The following CSDE1 variants were observed in gnomAD, a reference collection of about 807,000 sequenced individuals.
The protein encoded by CSDE1 is cold shock domain containing E1.
Under a neutral mutation model 89.3 loss-of-function variants are expected in CSDE1, and 17 were observed. The observed-to-expected ratio is 0.19, with a 90% confidence interval of 0.13 to 0.29. The LOEUF (loss-of-function observed/expected upper bound fraction) is 0.29. Ranked by LOEUF, CSDE1 falls within the 10% of genes least tolerant of loss-of-function variation. The pLI is 1.00. For missense variants in CSDE1, 672 were observed against 984.2 expected (o/e 0.68, Z 4.24); for synonymous variants, 322 against 332.8 (o/e 0.97, Z 0.35).
At chr1:114,741,066 G>C (rs1215153049) in intron 2 of CSDE1, among the ~76,000 whole-genome samples, 1 of 152,144 alleles carries the variant, frequency 6.6e-6, no homozygotes, top group Non-Finnish European at 1.5e-5. Context: ...ACTAGCCACT[G>C]TTCTGTGTTT....
chr1:114,732,110 A>C (rs544567414), intron 10 of CSDE1, among the ~76,000 whole-genome samples: 2 of 151,864 alleles, frequency 1.3e-5, no homozygotes, highest in Non-Finnish European at 2.9e-5. Flanking sequence ...CACCGTGCCT[A>C]TGATTTTTTT....
intron 2 of CSDE1, among the ~76,000 whole-genome samples, chr1:114,743,794 A>G (rs1660865143): frequency 6.6e-6 from 1 of 152,190 alleles, no homozygotes; most frequent in African/African-American, 2.4e-5. Context: ...ACATACCAAA[A>G]GAGTTGAAAA....
chr1:114,728,633 TAA>T (rs1167727493), intron 12 of CSDE1, among the ~76,000 whole-genome samples: 3 of 152,216 alleles, frequency 2.0e-5, no homozygotes, highest in African/African-American at 7.2e-5. Context: ...TTCCAAGAAT[TAA>T]AAGTTATTAA....
At chr1:114,731,750 C>T (rs1008289453) in intron 10 of CSDE1, among the ~76,000 whole-genome samples, 1 of 152,186 alleles carries the variant, frequency 6.6e-6, no homozygotes, top group Non-Finnish European at 1.5e-5. Context: ...AAACCATGGC[C>T]TAGGACAGCT....
intron 1 of CSDE1, among the ~76,000 whole-genome samples, chr1:114,753,391 T>C (rs1473418601): frequency 6.6e-6 from 1 of 152,244 alleles, no homozygotes; most frequent in African/African-American, 2.4e-5. Flanking sequence ...AATAATTTAC[T>C]GGCCGAATTA....
At chr1:114,754,352 C>T (rs1165568186) in intron 1 of CSDE1, among the ~76,000 whole-genome samples, 2 of 152,218 alleles carry the variant, frequency 1.3e-5, no homozygotes, top group South Asian at 2.1e-4. Flanking sequence ...TAGCATAAGC[C>T]ATGACATAGT....
At position 114,729,388 on chromosome 1, in the gene CSDE1, C is replaced by T. The variant is rs1037429878; in HGVS notation, c.1356+870G>A. Among the ~76,000 whole-genome samples the T allele has an allele frequency of 2.0e-5, 3 of 151,962 alleles. No homozygotes were observed. In the East Asian group the frequency reaches 5.8e-4, roughly 29 times the overall value. On this transcript the variant is annotated intron_variant, in intron 12 of 19. Coordinates refer to ENST00000358528, the MANE Select transcript of CSDE1 (RefSeq NM_001007553.3). ...TGCTGGGTTTACAGGTGTGAGCCAC[C>T]GCACCTGACAATAAGGTCTAAATTC...
chr1:114,739,267 G>A (rs75091222), intron 3 of CSDE1, among the ~76,000 whole-genome samples: 3 of 152,078 alleles, frequency 2.0e-5, no homozygotes, highest in African/African-American at 7.2e-5. Context: ...TCCTGACCTC[G>A]TGATCTGCCC....
At chr1:114,725,379 T>A in intron 14 of CSDE1, 46 bp from the exon 15 acceptor site, 1 of 1,408,374 alleles carries the variant, frequency 7.1e-7, no homozygotes, top group East Asian at 2.3e-5. Flanking sequence ...ACCATAAACA[T>A]CAACAGTAAC....
At chr1:114,736,223 G>A (rs187390847) in intron 6 of CSDE1, among the ~76,000 whole-genome samples, 22 of 152,070 alleles carry the variant, frequency 1.4e-4, no homozygotes, top group South Asian at 4.1e-4. Context: ...CATCTTTCAC[G>A]TTAACTCTCA....
At position 114,726,161 on chromosome 1, in the gene CSDE1, A is replaced by G. The variant is rs750036168; in HGVS notation, c.1640+50T>C. 7 of 1,525,774 alleles carry G rather than the reference A, an allele frequency of 4.6e-6. No homozygotes were observed. In the African/African-American group the frequency reaches 8.3e-5, roughly 18 times the overall value. 94.5% of individuals were successfully genotyped at this position (1,525,774 alleles called of 1,614,324 possible). A position where few individuals can be genotyped will look rare whatever the true frequency, so the allele number is the denominator to read the frequency against. Reference sequence around the variant, plus strand: ...ACTAAATGTTTTTTATTCCAACACCAAAGAATGGATGGTAAGTTAGCTGTA... The same window carrying G: ...ACTAAATGTTTTTTATTCCAACACCGAAGAATGGATGGTAAGTTAGCTGTA... On this transcript the variant is annotated intron_variant, in intron 14 of 19. Coordinates refer to ENST00000358528, the MANE Select transcript of CSDE1 (RefSeq NM_001007553.3).
intron 2 of CSDE1, among the ~76,000 whole-genome samples, chr1:114,745,037 A>G (rs897875627): frequency 1.3e-5 from 2 of 152,244 alleles, no homozygotes. Flanking sequence ...TAAAAAATCC[A>G]GATAAAGCAA....
At position 114,738,039 on chromosome 1, in the gene CSDE1, C is replaced by T; in HGVS notation, c.233G>A (p.Arg78Gln). 1.2e-6 allele frequency: 2 copies of T among 1,613,862 alleles called. No individual in the cohort carries two copies. Among genetic ancestry groups the T allele is most frequent in the Non-Finnish European group, 1.7e-6 (2 of 1,179,784 alleles). ...TTTAACAGCAATGGGTTTCCCAGTC[C>T]GTCGGTCCGATGATACTTCAAATTC... ...DVEFEVSSDRRTGKPIAVKLV... is the reference protein window; with the variant it reads ...DVEFEVSSDRQTGKPIAVKLV... Residue 78 changes from arginine (R) to glutamine (Q), a missense_variant, in exon 4 of 20, where the codon CGG becomes CAG. Arg to Gln is a conservative substitution (Grantham distance 43). Around this residue, in one of 8 missense-constraint regions of CSDE1, gnomAD observed 34 missense variants for 73.3 expected, o/e 0.46. Transcript: ENST00000358528.
chr1:114,747,960 C>T (rs1275926458), intron 2 of CSDE1, among the ~76,000 whole-genome samples: 5 of 151,928 alleles, frequency 3.3e-5, no homozygotes, highest in African/African-American at 1.2e-4. Context: ...GAATCCACAA[C>T]AATTAGTCTA....
At position 114,723,866 on chromosome 1, in the gene CSDE1, A is replaced by T. The variant is rs772181411; in HGVS notation, c.1873+17T>A. 6.2e-7 allele frequency: 1 copy of T among 1,613,702 alleles called. No homozygotes were observed. Among genetic ancestry groups the T allele is most frequent in the South Asian group, 1.1e-5 (1 of 91,070 alleles). On this transcript the variant is annotated intron_variant, in intron 16 of 19. Transcript: ENST00000358528. Reference sequence around the variant, plus strand: ...GTTATGGCAAATTTCAAACAGCCTGATAGTGATGATCCTTACCCTCCTCCA... The same window carrying T: ...GTTATGGCAAATTTCAAACAGCCTGTTAGTGATGATCCTTACCCTCCTCCA...
intron 2 of CSDE1, among the ~76,000 whole-genome samples, chr1:114,744,622 T>TAC (rs977035745): frequency 1.7e-4 from 25 of 151,388 alleles, no homozygotes; most frequent in African/African-American, 5.6e-4. Flanking sequence ...CCCCAAAACA[T>TAC]ACACACACAC....
Position 114,718,661 on chromosome 1 carries a change from A to G in CSDE1, c.2301T>C (p.Ala767=), listed in dbSNP as rs1659338903. The change falls in exon 19 of 20, where the codon GCT becomes GCC. Residue 767 remains alanine (A), a synonymous_variant. Transcript: ENST00000358528. ...GCTGACGAAGAACCATTAGGCGAGG[A>G]GCACTGGCATCATCCAGAGTGATAT... ...LKNITLDDAS[A]PRLMVLRQPR... is the part of the protein sequence containing the mutation. The G allele has an allele frequency of 6.2e-7, 1 of 1,614,214 alleles. No homozygotes were observed. Among genetic ancestry groups the G allele is most frequent in the Admixed American group, 1.7e-5 (1 of 60,032 alleles).
intron 5 of CSDE1, 44 bp downstream of exon 5, chr1:114,737,427 C>T: frequency 2.9e-6 from 4 of 1,398,310 alleles, no homozygotes; most frequent in Non-Finnish European, 4.1e-6. Flanking sequence ...TTATAGATCA[C>T]ATGGTGGATC....
rs1659287595 is a variant in CSDE1 at position 114,718,086 on chromosome 1, T to C, written c.*83A>G. ...TAAGTATTCCAGATTTCGGGAGGGA[T>C]GAAGAGGGAGATATTCAGAACCCTT... On this transcript the variant is annotated 3_prime_UTR_variant, in exon 20 of 20. Transcript: ENST00000358528. 1 of 1,421,732 alleles carries C rather than the reference T, an allele frequency of 7.0e-7. No homozygotes were observed. Among genetic ancestry groups the C allele is most frequent in the Non-Finnish European group, 9.9e-7 (1 of 1,007,856 alleles). 88.1% of individuals were successfully genotyped at this position (1,421,732 alleles called of 1,614,324 possible). A position where few individuals can be genotyped will look rare whatever the true frequency, so the allele number is the denominator to read the frequency against.
Sources: allele counts gnomAD v4.1 joint callset (sites outside exome capture counted in the v4.1 genomes callset), GRCh38; gene constraint gnomAD v4.1.1; regional missense constraint gnomAD v4.1.1; transcripts MANE v1.5; gene names NCBI Gene and HGNC (gene_info 2026-07-23, HGNC 2026-07-21).